MORN1: variants seen among roughly 807,000 people sequenced by gnomAD.
MORN1 encodes the protein MORN repeat-containing protein 1.
In MORN1, 67 loss-of-function variants were observed where a neutral mutation model predicts 61.9. That is an observed-to-expected ratio of 1.08 (90% CI 0.89 to 1.33). The LOEUF is 1.33. Among genes scored for constraint, MORN1 ranks in the 40% most tolerant of loss-of-function variants. The pLI is 0.00. For missense variants in MORN1, 752 were observed against 691.2 expected, an observed-to-expected ratio of 1.09 and a Z score of -0.99; for synonymous variants, 301 against 292.0, an observed-to-expected ratio of 1.03 and a Z score of -0.31.
chr1:2,326,256 G>A (rs10910051), intron 12 of MORN1: 35,042 of 152,200 alleles, frequency 0.23, 6,111 homozygotes, highest in African/African-American at 0.48. Flanking sequence ...AGGCTTTGCC[G>A]GACCCCAGGA....
In MORN1 at chr1:2,322,918, G is replaced by A. The variant is rs530562173; in HGVS notation, c.1297+1179C>T. On this transcript the variant is annotated intron_variant, in intron 13 of 13. Transcript: ENST00000378531. ...ACCGTGCGGCAGGCCGGGCCTCGAC[G>A]GCCACGTGATCTAGCCCTGGGCCAG... 5 of 985,412 alleles carry A rather than the reference G, an allele frequency of 5.1e-6. No individual in the cohort carries two copies. In the Admixed American group the frequency reaches 1.8e-4, roughly 36 times the overall value. The allele number at this position is 985,412 out of a possible 1,614,324, so 61.0% of individuals were successfully genotyped here.
chr1:2,361,688 G>T (rs1641893472), intron 8 of MORN1, among the ~76,000 whole-genome samples: 1 of 152,194 alleles, frequency 6.6e-6, no homozygotes, highest in Non-Finnish European at 1.5e-5. Context: ...CAGAAGAAAA[G>T]ATTTATGAAC....
At chr1:2,345,427 C>T (rs1405794804) in intron 10 of MORN1, among the ~76,000 whole-genome samples, 42 of 152,232 alleles carry the variant, frequency 2.8e-4, no homozygotes, top group Non-Finnish European at 2.1e-4. Context: ...GTCTTGCCTC[C>T]GTCCTCCTTG....
At chr1:2,326,549 G>A (rs1317809057) in intron 12 of MORN1, 1 of 152,288 alleles carries the variant, frequency 6.6e-6, no homozygotes, top group Non-Finnish European at 1.5e-5. Flanking sequence ...CCGCACATGG[G>A]GAGGTGGTGC....
chr1:2,340,341 C>T (rs77483402), intron 10 of MORN1, among the ~76,000 whole-genome samples: 250 of 152,294 alleles, frequency 1.6e-3, no homozygotes, highest in Non-Finnish European at 2.9e-3. Flanking sequence ...TCCTGCGCAT[C>T]CCACTCCCTG....
At chr1:2,370,217 AC>A (rs1470483347) in intron 8 of MORN1, among the ~76,000 whole-genome samples, 1 of 152,222 alleles carries the variant, frequency 6.6e-6, no homozygotes, top group Non-Finnish European at 1.5e-5. Flanking sequence ...CTGATTTTCA[AC>A]CAAGGTGCCA....
At chr1:2,390,045 G>A in intron 1 of MORN1, 49 bp from the exon 2 acceptor site, 5 of 1,534,704 alleles carry the variant, frequency 3.3e-6, no homozygotes, top group Non-Finnish European at 4.5e-6. Flanking sequence ...CAGAGATGAG[G>A]GATGCTCTCC....
At position 2,354,014 on chromosome 1, in the gene MORN1, G is replaced by A. The variant is rs147592306; in HGVS notation, c.1036+3418C>T. 1.8e-4 allele frequency among the ~76,000 whole-genome samples: 28 copies of A among 152,388 alleles called. No homozygotes were observed. In the East Asian group the frequency reaches 3.1e-3, roughly 17 times the overall value. The stretch of plus-strand genomic sequence containing the variant: ...ATAAAGACTAAAGAGGCCGGGCATG[G>A]TGGCTCACGCCTGTGATCCCAGCAC... On this transcript the variant is annotated intron_variant, in intron 10 of 13. Transcript: ENST00000378531.
chr1:2,390,737 C>G (rs1357756471), intron 1 of MORN1: 1 of 984,382 alleles, frequency 1.0e-6, no homozygotes, highest in Admixed American at 6.2e-5. Context: ...GAAACAGTTC[C>G]TATCAAAACC....
intron 12 of MORN1, among the ~76,000 whole-genome samples, chr1:2,331,197 G>A (rs951651046): frequency 6.6e-6 from 1 of 152,206 alleles, no homozygotes; most frequent in Non-Finnish European, 1.5e-5. Flanking sequence ...GTGAGGCAGC[G>A]ACTTGGCAGC....
intron 8 of MORN1, among the ~76,000 whole-genome samples, chr1:2,368,680 G>A (rs1207279776): frequency 2.0e-5 from 3 of 152,118 alleles, no homozygotes; most frequent in African/African-American, 7.2e-5. Context: ...CACACAAAAA[G>A]ATGCTCAACA....
chr1:2,325,128 T>C (rs1179084732), intron 12 of MORN1, among the ~76,000 whole-genome samples: 13 of 87,982 alleles, frequency 1.5e-4, no homozygotes, highest in South Asian at 8.3e-4. Context: ...CTTCCCTTCC[T>C]TCCTTCCCTC....
chr1:2,374,859 C>CAA (rs58562601), intron 6 of MORN1: 176 of 251,758 alleles, frequency 7.0e-4, no homozygotes, highest in African/African-American at 2.9e-3. Flanking sequence ...CACATTTCAG[C>CAA]AAAAAAAAAA....
intron 10 of MORN1, among the ~76,000 whole-genome samples, chr1:2,341,103 G>C (rs989979669): frequency 6.6e-6 from 1 of 152,214 alleles, no homozygotes; most frequent in Non-Finnish European, 1.5e-5. Flanking sequence ...ACACCACCTC[G>C]GTCTGGTGGC....
intron 10 of MORN1, among the ~76,000 whole-genome samples, chr1:2,340,296 C>A (rs186549855): frequency 2.9e-3 from 436 of 152,290 alleles, no homozygotes; most frequent in African/African-American, 0.01. Flanking sequence ...GGCCACACAC[C>A]CAGCCCTGGC....
chr1:2,370,173 G>C (rs756787197), intron 8 of MORN1, among the ~76,000 whole-genome samples: 1 of 152,180 alleles, frequency 6.6e-6, no homozygotes, highest in Admixed American at 6.5e-5. Context: ...AGCAGACGGG[G>C]GGTCCAGGCA....
Position 2,357,564 on chromosome 1 carries a change from G to T in MORN1, c.904C>A (p.Pro302Thr). ...CTGGGCCCCGGCACCCCAGCTGCGG[G>T]GCTGGACACAGGATAAGGGATGCAT... is the stretch of plus-strand genomic sequence containing the variant. ...FECIPYPVSSPAAGVPGPRAA... is the reference protein window; with the variant it reads ...FECIPYPVSSTAAGVPGPRAA... The change falls in exon 10 of 14, where the codon CCC (proline) becomes ACC (threonine). Residue 302 changes from proline (P) to threonine (T), a missense_variant. Pro to Thr is a conservative substitution (Grantham distance 38, BLOSUM62 -1). Transcript: ENST00000378531. This position sits in a 1 kb window ranked among gnomAD's most constrained non-coding sequence, Gnocchi z 6.3. 1 of 1,611,008 alleles carries T rather than the reference G, an allele frequency of 6.2e-7. No homozygotes were observed. The highest frequency in any genetic ancestry group is 8.5e-7 in the Non-Finnish European group (1 of 1,178,716).
chr1:2,353,338 T>A (rs1641691490), intron 10 of MORN1, among the ~76,000 whole-genome samples: 1 of 152,256 alleles, frequency 6.6e-6, no homozygotes, highest in South Asian at 2.1e-4. Context: ...GGCCCCCCTG[T>A]CCCTGCTGGC....
At chr1:2,380,015 T>C (rs1570036343) in intron 6 of MORN1, among the ~76,000 whole-genome samples, 1 of 152,126 alleles carries the variant, frequency 6.6e-6, no homozygotes, top group East Asian at 1.9e-4. Context: ...AGCGTGTCTG[T>C]CCACACGGGG....
Sources: allele counts gnomAD v4.1 joint callset (sites outside exome capture counted in the v4.1 genomes callset), GRCh38; gene constraint gnomAD v4.1.1; non-coding constraint Gnocchi (gnomAD v3.1); transcripts MANE v1.5; gene names NCBI Gene and HGNC (gene_info 2026-07-23, HGNC 2026-07-21).